The following TNRC6C variants were observed in gnomAD, a reference collection of about 807,000 sequenced individuals.
TNRC6C encodes trinucleotide repeat-containing gene 6C protein.
In TNRC6C, 20 loss-of-function variants were observed where a neutral mutation model predicts 153.7. The ratio of observed to expected loss-of-function variants is 0.13; its 90% CI spans 0.09 to 0.19. The LOEUF (loss-of-function observed/expected upper bound fraction) is 0.19, where lower values mean the gene tolerates loss of function less well. Among genes scored for constraint, TNRC6C ranks in the 10% least tolerant of loss-of-function variants. The pLI is 1.00. For missense variants in TNRC6C, 1,987 were observed against 2,172.0 expected (o/e 0.91, Z 1.69); for synonymous variants, 811 against 841.4 (o/e 0.96, Z 0.63).
chr17:77,976,931 G>GAAAAAAAAA (rs57726847), intron 1 of TNRC6C, among the ~76,000 whole-genome samples: 3 of 46,584 alleles, frequency 6.4e-5, no homozygotes, highest in African/African-American at 2.8e-4. Context: ...CTCCATCTCA[G>GAAAAAAAAA]AAAAAAAAAA....
chr17:78,044,038 A>G (rs1005633451), intron 2 of TNRC6C, among the ~76,000 whole-genome samples: 1 of 152,192 alleles, frequency 6.6e-6, no homozygotes, highest in Non-Finnish European at 1.5e-5. Context: ...CTCTCTCTTC[A>G]ATATACTGAT....
At position 78,049,049 on chromosome 17, in the gene TNRC6C, CAG is replaced by C; in HGVS notation, c.-10_-9del. On this transcript the variant is annotated 5_prime_UTR_variant, in exon 3 of 20. Transcript: ENST00000301624. The surrounding 1 kb of genome is among the most constrained non-coding windows in gnomAD (Gnocchi z 4.1). ...ACTGACTCTGCCTCCAACTGTGGCTCAGAGAACAGTAGCATGGCTACAGGGAG... is the reference window on the plus strand; with the variant it reads ...ACTGACTCTGCCTCCAACTGTGGCTCAGAACAGTAGCATGGCTACAGGGAG... 1 of 1,504,098 alleles carries C rather than the reference CAG, an allele frequency of 6.6e-7. No individual in the cohort carries two copies. Among genetic ancestry groups the C allele is most frequent in the Non-Finnish European group, 8.9e-7 (1 of 1,126,404 alleles). The allele number at this position is 1,504,098 out of a possible 1,614,324, so 93.2% of individuals were successfully genotyped here.
intron 4 of TNRC6C, chr17:78,066,722 C>T (rs773713453): frequency 1.3e-5 from 2 of 152,130 alleles, no homozygotes; most frequent in Admixed American, 6.5e-5. Flanking sequence ...AGTGGAAACT[C>T]GATAGTCACT....
At chr17:77,990,529 C>G (rs1190050455) in intron 1 of TNRC6C, among the ~76,000 whole-genome samples, 1 of 152,176 alleles carries the variant, frequency 6.6e-6, no homozygotes, top group African/African-American at 2.4e-5. Flanking sequence ...TGCGTGTTGT[C>G]CCCTGTTGTG....
At chr17:78,097,700 C>T (rs746115714) in intron 16 of TNRC6C, 45 bp from the exon 19 acceptor site, 3 of 1,412,788 alleles carry the variant, frequency 2.1e-6, no homozygotes, top group Non-Finnish European at 2.9e-6. Context: ...GTCATGAACC[C>T]GGACACCGCC....
intron 9 of TNRC6C, 170 bp downstream of exon 11, chr17:78,077,504 C>G: frequency 1.2e-6 from 1 of 832,372 alleles, no homozygotes; most frequent in South Asian, 1.8e-5. Flanking sequence ...TTACTGGAGT[C>G]AAGAGTTGAA....
chr17:78,080,169 G>C (rs59126917), intron 10 of TNRC6C, among the ~76,000 whole-genome samples: 1 of 152,086 alleles, frequency 6.6e-6, no homozygotes, highest in South Asian at 2.1e-4. Flanking sequence ...AAATGTTGCC[G>C]GGCGCGGCGG....
intron 19 of TNRC6C, 65 bp downstream of exon 22, chr17:78,103,618 G>T: frequency 6.2e-7 from 1 of 1,600,284 alleles, no homozygotes; most frequent in South Asian, 1.1e-5. Context: ...CATTAGGTTA[G>T]GGGTGTTGCA....
chr17:77,997,648 A>G (rs1421933556), intron 1 of TNRC6C, among the ~76,000 whole-genome samples: 5 of 151,650 alleles, frequency 3.3e-5, no homozygotes, highest in Non-Finnish European at 2.9e-5. Context: ...AACCATTTAT[A>G]ACGTTGTTTT....
rs755332722 is a variant in TNRC6C at position 78,086,630 on chromosome 17, C to T, written c.3561+44C>T. On this transcript the variant is annotated intron_variant, in intron 12 of 19. Coordinates refer to ENST00000301624, the Ensembl canonical transcript of TNRC6C. ...GATTTTTGTCATGAGCTATAATTTT[C>T]CCTGATAGAAGAGACGCTAATTGAT... 3.8e-6 allele frequency: 6 copies of T among 1,593,066 alleles called. No homozygotes were observed. The South Asian group carries it at 4.4e-5, about 12-fold the overall frequency.
intron 3 of TNRC6C, 131 bp downstream of exon 5, chr17:78,051,579 A>G: frequency 2.9e-6 from 3 of 1,026,348 alleles, no homozygotes; most frequent in African/African-American, 1.6e-5. Context: ...TAAGTTCCCT[A>G]TCACCGTGCA....
At chr17:78,036,314 G>A (rs1937585125) in intron 2 of TNRC6C, among the ~76,000 whole-genome samples, 1 of 152,192 alleles carries the variant, frequency 6.6e-6, no homozygotes, top group Non-Finnish European at 1.5e-5. Context: ...AGTCACCTTT[G>A]TCATAGTTTT....
exon 3 of TNRC6C, chr17:78,050,781 G>A (rs2072513219): frequency 6.2e-7 from 1 of 1,606,478 alleles, no homozygotes; most frequent in East Asian, 2.2e-5. Flanking sequence ...CCTGGGGTGA[G>A]CCTCCAAAGC....
At chr17:78,093,674 A>G in exon 16 of TNRC6C, 1 of 1,613,938 alleles carries the variant, frequency 6.2e-7, no homozygotes, top group Non-Finnish European at 8.5e-7. Flanking sequence ...CCTGAGAATG[A>G]CCCTGACGTC....
chr17:78,055,196 T>C (rs1194889724), intron 3 of TNRC6C, among the ~76,000 whole-genome samples: 3 of 152,236 alleles, frequency 2.0e-5, no homozygotes, highest in Non-Finnish European at 2.9e-5. Context: ...GTATTTTTTA[T>C]ATTCTTATTC....
intron 1 of TNRC6C, among the ~76,000 whole-genome samples, chr17:77,983,601 A>G (rs2071113163): frequency 6.6e-6 from 1 of 152,166 alleles, no homozygotes; most frequent in African/African-American, 2.4e-5. Context: ...GAGAACCCTG[A>G]CTGGCTGAGG....
Position 78,075,215 on chromosome 17 carries a change from C to A in TNRC6C, c.2997C>A (p.Pro999=). The stretch of plus-strand genomic sequence containing the variant: ...ACCATAATGGAATGGCCGCCAAGCC[C>A]CTCGGCTGCCGCCCGCCAATCTCCA... The change falls in exon 8 of 20, where the codon CCC becomes CCA. Residue 999 remains proline (P), a synonymous_variant. Transcript: ENST00000301624. The surrounding 1 kb of genome is among the most constrained non-coding windows in gnomAD (Gnocchi z 4.2). The A allele has an allele frequency of 6.3e-7, 1 of 1,598,078 alleles. No homozygotes were observed. The highest frequency in any genetic ancestry group is 8.5e-7 in the Non-Finnish European group (1 of 1,172,928).
intron 1 of TNRC6C, among the ~76,000 whole-genome samples, chr17:78,015,669 T>C (rs951924278): frequency 6.6e-6 from 1 of 152,212 alleles, no homozygotes; most frequent in Non-Finnish European, 1.5e-5. Flanking sequence ...CCAGCCACTT[T>C]GGGAGGCCGA....
chr17:78,105,462 TAAAA>T (rs2144689235), exon 20 of TNRC6C: 1 of 152,304 alleles, frequency 6.6e-6, no homozygotes, highest in East Asian at 1.9e-4. Flanking sequence ...TTTTAAAAGT[TAAAA>T]AAAGACATAT....
Sources: allele counts gnomAD v4.1 joint callset (sites outside exome capture counted in the v4.1 genomes callset), GRCh38; gene constraint gnomAD v4.1.1; non-coding constraint Gnocchi (gnomAD v3.1); transcripts MANE v1.5; gene names NCBI Gene and HGNC (gene_info 2026-07-23, HGNC 2026-07-21).